Variants in ATRNL1 observed in about 807,000 individuals in gnomAD.
ATRNL1 encodes attractin like 1, also known as attractin-like protein 1.
In ATRNL1, 95 loss-of-function variants were observed where a neutral mutation model predicts 182.7. The observed-to-expected ratio is 0.52, with a 90% CI of 0.44 to 0.62. The LOEUF (loss-of-function observed/expected upper bound fraction) is 0.62, where lower values mean the gene tolerates loss of function less well. Ranked by LOEUF, ATRNL1 falls within the 20% of genes least tolerant of loss-of-function variation. The pLI is 0.00. For synonymous variants in ATRNL1, 576 were observed against 568.3 expected, an observed-to-expected ratio of 1.01 and a Z score of -0.19; for missense variants, 1,471 against 1,679.5, an observed-to-expected ratio of 0.88 and a Z score of 2.17.
At chr10:115,754,239 T>C (rs935420798) in intron 27 of ATRNL1, among the ~76,000 whole-genome samples, 1 of 152,198 alleles carries the variant, frequency 6.6e-6, no homozygotes, top group Admixed American at 6.5e-5. Flanking sequence ...AGTCATGAAG[T>C]CTTTGCCCAT....
intron 21 of ATRNL1, among the ~76,000 whole-genome samples, chr10:115,445,430 CAAAAAAAAAAA>C (rs34068379): frequency 1.9e-4 from 5 of 26,128 alleles, no homozygotes; most frequent in East Asian, 3.0e-3. Flanking sequence ...GATTTCGCCT[CAAAAAAAAAAA>C]AAAAAAAAAA....
At chr10:115,276,164 A>G (rs1198109787) in intron 13 of ATRNL1, among the ~76,000 whole-genome samples, 6 of 152,002 alleles carry the variant, frequency 3.9e-5, no homozygotes, top group African/African-American at 1.4e-4. Flanking sequence ...CCCTGGTAGA[A>G]GGGGAGCTCT....
intron 19 of ATRNL1, among the ~76,000 whole-genome samples, chr10:115,382,666 C>G (rs1478060180): frequency 1.4e-5 from 2 of 143,646 alleles, no homozygotes; most frequent in Middle Eastern, 3.8e-3. Flanking sequence ...CCTTTCCAGT[C>G]TGGATACTTT....
At chr10:115,611,805 G>T (rs772172910) in intron 26 of ATRNL1, among the ~76,000 whole-genome samples, 7 of 151,992 alleles carry the variant, frequency 4.6e-5, no homozygotes, top group Non-Finnish European at 8.8e-5. Flanking sequence ...TTTATTGACG[G>T]GATGTGTTAA....
At chr10:115,914,208 G>T (rs1952775182) in intron 28 of ATRNL1, among the ~76,000 whole-genome samples, 1 of 152,138 alleles carries the variant, frequency 6.6e-6, no homozygotes, top group South Asian at 2.1e-4. Context: ...AGCCTCCCCA[G>T]CCATGTAGAA....
At chr10:115,530,998 G>C (rs1851544664) in intron 25 of ATRNL1, among the ~76,000 whole-genome samples, 1 of 152,156 alleles carries the variant, frequency 6.6e-6, no homozygotes, top group African/African-American at 2.4e-5. Context: ...TGGTGTATAT[G>C]TGCCACATTT....
At chr10:115,389,284 A>T (rs1303089700) in intron 19 of ATRNL1, among the ~76,000 whole-genome samples, 2 of 151,702 alleles carry the variant, frequency 1.3e-5, no homozygotes, top group African/African-American at 4.8e-5. Context: ...CGGATGGCGG[A>T]TCATGAGGTC....
chr10:115,121,684 C>G lies in ATRNL1; in HGVS notation c.378-15C>G, dbSNP rs572766643. On this transcript the variant is annotated splice_polypyrimidine_tract_variant and intron_variant, in intron 2 of 28. Transcript: ENST00000355044. ...GTATATTTTAATTTGAAAAATATTT[C>G]ATATTCATTTTCAGTCCAAATGCAG... 2 of 1,184,304 alleles carry G rather than the reference C, an allele frequency of 1.7e-6. No homozygotes were observed. The highest frequency in any genetic ancestry group is 2.4e-6 in the Non-Finnish European group (2 of 838,720). The allele number at this position is 1,184,304 out of a possible 1,614,324, so 73.4% of individuals were successfully genotyped here.
intron 25 of ATRNL1, among the ~76,000 whole-genome samples, chr10:115,526,799 T>C (rs781975453): frequency 3.3e-5 from 5 of 152,052 alleles, no homozygotes; most frequent in Non-Finnish European, 7.4e-5. Context: ...ATGGGAGAAT[T>C]TGAGACCACA....
intron 10 of ATRNL1, among the ~76,000 whole-genome samples, chr10:115,264,181 A>G (rs1554909713): frequency 1.3e-5 from 2 of 151,194 alleles, no homozygotes; most frequent in Non-Finnish European, 3.0e-5. Context: ...GTTCAGCATC[A>G]TTTTCTAAAC....
chr10:115,467,088 AAC>A, intron 22 of ATRNL1, 84 bp from the exon 23 acceptor site: 2 of 742,660 alleles, frequency 2.7e-6, no homozygotes, highest in Non-Finnish European at 4.7e-6. Context: ...TAAGGAATAA[AAC>A]AGACATAATT....
At chr10:115,796,725 T>G (rs544337384) in intron 27 of ATRNL1, among the ~76,000 whole-genome samples, 1 of 152,216 alleles carries the variant, frequency 6.6e-6, no homozygotes, top group Admixed American at 6.5e-5. Context: ...ATAAGCAGTT[T>G]GGCCAGTTGT....
intron 27 of ATRNL1, among the ~76,000 whole-genome samples, chr10:115,812,394 A>G (rs1314557573): frequency 6.6e-6 from 1 of 151,880 alleles, no homozygotes; most frequent in Non-Finnish European, 1.5e-5. Context: ...CTTTTCTTCT[A>G]CTCTACATGT....
At chr10:115,918,236 G>A (rs113008208) in intron 28 of ATRNL1, among the ~76,000 whole-genome samples, 365 of 151,978 alleles carry the variant, frequency 2.4e-3, no homozygotes, top group Non-Finnish European at 4.5e-3. Flanking sequence ...GAGTAACTGG[G>A]ATTACAAGCG....
At chr10:115,675,423 AAAGAAGAAAAG>A (rs1945830224) in intron 26 of ATRNL1, among the ~76,000 whole-genome samples, 1 of 152,242 alleles carries the variant, frequency 6.6e-6, no homozygotes, top group Middle Eastern at 3.4e-3. Flanking sequence ...AGAGAAAGAG[AAAGAAGAAAAG>A]AAGAAGAAAA....
chr10:115,512,081 G>A (rs1424741241), intron 24 of ATRNL1, among the ~76,000 whole-genome samples: 1 of 151,856 alleles, frequency 6.6e-6, no homozygotes, highest in Non-Finnish European at 1.5e-5. Context: ...GTGTAAACAT[G>A]TCATATTTTT....
At chr10:115,178,406 G>A (rs1554887233) in intron 8 of ATRNL1, among the ~76,000 whole-genome samples, 1 of 152,098 alleles carries the variant, frequency 6.6e-6, no homozygotes, top group Admixed American at 6.6e-5. Context: ...AGTGGAAGTG[G>A]CCTTCATAAT....
At chr10:115,565,688 T>G (rs921537776) in intron 26 of ATRNL1, among the ~76,000 whole-genome samples, 2 of 152,120 alleles carry the variant, frequency 1.3e-5, no homozygotes, top group Admixed American at 1.3e-4. Context: ...ATTTCAAATC[T>G]ATACTTGGTA....
chr10:115,785,901 T>C (rs1949385199), intron 27 of ATRNL1, among the ~76,000 whole-genome samples: 1 of 152,172 alleles, frequency 6.6e-6, no homozygotes, highest in African/African-American at 2.4e-5. Context: ...CACAACACAA[T>C]TGAGTTGAAC....
Sources: allele counts gnomAD v4.1 joint callset (sites outside exome capture counted in the v4.1 genomes callset), GRCh38; gene constraint gnomAD v4.1.1; transcripts MANE v1.5; gene names NCBI Gene and HGNC (gene_info 2026-07-23, HGNC 2026-07-21).